The following RORA variants were observed in gnomAD, a reference collection of about 807,000 sequenced individuals.
RORA encodes RAR related orphan receptor A.
Under a neutral mutation model 69.5 loss-of-function variants are expected in RORA, and 7 were observed. The observed-to-expected ratio is 0.10, with a 90% CI of 0.06 to 0.19. RORA has a LOEUF of 0.19. Among genes scored for constraint, RORA ranks in the 10% least tolerant of loss-of-function variants. RORA has a pLI of 1.00. For missense variants in RORA, 457 were observed against 663.0 expected (o/e 0.69, Z 3.41); for synonymous variants, 261 against 240.8 (o/e 1.08, Z -0.78).
intron 1 of RORA, among the ~76,000 whole-genome samples, chr15:60,773,678 G>T (rs1384348672): frequency 6.6e-6 from 1 of 152,180 alleles, no homozygotes; most frequent in Non-Finnish European, 1.5e-5. Context: ...CTTAGTGAAG[G>T]TCACACAGTG....
chr15:61,104,405 C>T (rs1413585382), intron 1 of RORA, among the ~76,000 whole-genome samples: 5 of 152,182 alleles, frequency 3.3e-5, no homozygotes, highest in Admixed American at 2.0e-4. Context: ...GCAAACACAA[C>T]AGGAGGATGG....
chr15:60,497,260 T>C lies in RORA; in HGVS notation c.*195A>G, dbSNP rs199530153. Reference sequence around the variant, plus strand: ...ATCTGTAGGCATAATGGAAATCATATGCATGAGAAAAACAAGTTCAACTTT... The same window carrying C: ...ATCTGTAGGCATAATGGAAATCATACGCATGAGAAAAACAAGTTCAACTTT... On this transcript the variant is annotated 3_prime_UTR_variant, in exon 11 of 11. Coordinates refer to ENST00000335670, the MANE Select transcript of RORA (RefSeq NM_134261.3). 3.7e-6 allele frequency: 2 copies of C among 544,940 alleles called. No individual in the cohort carries two copies. The highest frequency in any genetic ancestry group is 6.5e-6 in the Non-Finnish European group (2 of 308,780). 33.8% of individuals were successfully genotyped at this position (544,940 alleles called of 1,614,324 possible).
At chr15:61,156,549 G>A (rs1341724426) in intron 1 of RORA, among the ~76,000 whole-genome samples, 1 of 152,144 alleles carries the variant, frequency 6.6e-6, no homozygotes, top group Non-Finnish European at 1.5e-5. Context: ...AGCCCAGCAG[G>A]AATCTGTGGG....
At chr15:61,174,256 G>GC (rs2079609073) in intron 1 of RORA, among the ~76,000 whole-genome samples, 1 of 151,896 alleles carries the variant, frequency 6.6e-6, no homozygotes, top group South Asian at 2.1e-4. Context: ...CGTCCCCCCT[G>GC]CCCCCACACC....
chr15:61,202,519 C>T (rs1452619879), intron 1 of RORA, among the ~76,000 whole-genome samples: 3 of 131,288 alleles, frequency 2.3e-5, no homozygotes, highest in Admixed American at 7.5e-5. Context: ...CAATGCTGGC[C>T]TGGGTCAGGG....
intron 1 of RORA, among the ~76,000 whole-genome samples, chr15:61,112,744 C>T (rs557859870): frequency 2.0e-5 from 3 of 152,296 alleles, no homozygotes; most frequent in South Asian, 2.1e-4. Flanking sequence ...TTGTGAAAAT[C>T]GTTCCCAGAC....
chr15:60,776,100 G>C (rs1222159543), intron 1 of RORA, among the ~76,000 whole-genome samples: 1 of 152,170 alleles, frequency 6.6e-6, no homozygotes, highest in African/African-American at 2.4e-5. Context: ...AAGGTATTTT[G>C]CTGGCTCGGC....
Position 60,763,065 on chromosome 15 carries a change from A to ATTTTTTTTTTTTTTTTTTTTTTTT in RORA, c.167-84403_167-84380dup, listed in dbSNP as rs374433414. ...AAAGTACTGTTTCCAATATGCACAG[A>ATTTTTTTTTTTTTTTTTTTTTTTT]TTTTTTTTTTTTTTTTTTTTTTTTT... On this transcript the variant is annotated intron_variant, in intron 1 of 10. Transcript: ENST00000335670. Among the ~76,000 whole-genome samples the ATTTTTTTTTTTTTTTTTTTTTTTT allele has an allele frequency of 2.5e-4, 12 of 48,370 alleles. 2 individuals are homozygous for ATTTTTTTTTTTTTTTTTTTTTTTT. The highest frequency in any genetic ancestry group is 6.9e-4 in the East Asian group (1 of 1,444). The allele number at this position is 48,370 out of a possible 152,430, so 31.7% of individuals were successfully genotyped here. A position where few individuals can be genotyped will look rare whatever the true frequency, so the allele number is the denominator to read the frequency against.
intron 1 of RORA, among the ~76,000 whole-genome samples, chr15:60,833,050 G>A (rs569044004): frequency 3.8e-4 from 56 of 147,218 alleles, no homozygotes; most frequent in African/African-American, 1.2e-3. Flanking sequence ...GACTACAGGC[G>A]CCCACCACCA....
At position 61,036,402 on chromosome 15, in the gene RORA, T is replaced by A. The variant is rs577068833; in HGVS notation, c.166+192651A>T. Among the ~76,000 whole-genome samples, 3 of 152,278 alleles carry A rather than the reference T, an allele frequency of 2.0e-5. No individual in the cohort carries two copies. In the South Asian group the frequency reaches 6.2e-4, roughly 32 times the overall value. On this transcript the variant is annotated intron_variant, in intron 1 of 10. Coordinates refer to ENST00000335670, the MANE Select transcript of RORA (RefSeq NM_134261.3). ...AGGGCGGAAAGCACAAAGCAGGATA[T>A]GTATGTGCTTCAGGAAGCTTAAGTG...
At chr15:60,655,591 G>A (rs2070209271) in intron 2 of RORA, among the ~76,000 whole-genome samples, 1 of 152,170 alleles carries the variant, frequency 6.6e-6, no homozygotes, top group Non-Finnish European at 1.5e-5. Flanking sequence ...GCAAATGCTA[G>A]AATGAATGTC....
At chr15:60,519,890 C>T (rs2066104005) in intron 3 of RORA, 1 of 152,248 alleles carries the variant, frequency 6.6e-6, no homozygotes. Context: ...GAATAACTAT[C>T]ATTAAAGATG....
chr15:61,206,965 A>T (rs1245703242), intron 1 of RORA, among the ~76,000 whole-genome samples: 3 of 152,190 alleles, frequency 2.0e-5, no homozygotes, highest in Non-Finnish European at 2.9e-5. Context: ...ATTCCAAAAG[A>T]TATTACTGAT....
At chr15:60,936,821 A>C (rs1052658528) in intron 1 of RORA, among the ~76,000 whole-genome samples, 6 of 152,240 alleles carry the variant, frequency 3.9e-5, no homozygotes, top group African/African-American at 1.4e-4. Context: ...GGGGCAGAGG[A>C]GAAAATAGTA....
At chr15:60,638,463 A>C (rs2069880696) in intron 2 of RORA, among the ~76,000 whole-genome samples, 1 of 149,822 alleles carries the variant, frequency 6.7e-6, no homozygotes, top group Admixed American at 6.7e-5. Flanking sequence ...TCTAGAACCC[A>C]GTACTGGAAG....
chr15:61,064,680 G>A (rs2078233262), intron 1 of RORA, among the ~76,000 whole-genome samples: 1 of 152,194 alleles, frequency 6.6e-6, no homozygotes, highest in African/African-American at 2.4e-5. Context: ...AGCTTTGGTG[G>A]AGACAATGCA....
chr15:60,909,166 G>A (rs1462355789), intron 1 of RORA, among the ~76,000 whole-genome samples: 15 of 152,150 alleles, frequency 9.9e-5, no homozygotes, highest in Admixed American at 9.8e-4. Context: ...GCATAACAGA[G>A]TTACCTCTCT....
intron 1 of RORA, among the ~76,000 whole-genome samples, chr15:61,134,178 CAG>C (rs1402018032): frequency 2.6e-5 from 4 of 152,210 alleles, no homozygotes; most frequent in African/African-American, 7.2e-5. Flanking sequence ...GTCCCTCCCT[CAG>C]AGTCTAAGAA....
intron 1 of RORA, among the ~76,000 whole-genome samples, chr15:61,010,802 G>A (rs144639132): frequency 1.1e-4 from 16 of 152,236 alleles, no homozygotes; most frequent in Non-Finnish European, 1.9e-4. Flanking sequence ...TTAGAACCTG[G>A]AGATGAGGAC....
Sources: allele counts gnomAD v4.1 joint callset (sites outside exome capture counted in the v4.1 genomes callset), GRCh38; gene constraint gnomAD v4.1.1; transcripts MANE v1.5; gene names NCBI Gene and HGNC (gene_info 2026-07-23, HGNC 2026-07-21).